Variants in PTPN4 observed in about 807,000 individuals in gnomAD.
The protein encoded by PTPN4 is protein tyrosine phosphatase non-receptor type 4, also known as tyrosine-protein phosphatase non-receptor type 4.
A neutral mutation model predicts 135.5 loss-of-function variants in PTPN4; 49 were observed. The ratio of observed to expected loss-of-function variants is 0.36; its 90% CI spans 0.29 to 0.46. The LOEUF is 0.46. Ranked by LOEUF, PTPN4 falls within the 20% of genes least tolerant of loss-of-function variation. The probability of loss-of-function intolerance (pLI) is 1.00; values close to 1 mark genes in which losing one functional copy is unlikely to be tolerated. For missense variants in PTPN4, 860 were observed against 1,101.0 expected (o/e 0.78, Z 3.10); for synonymous variants, 333 against 369.9 (o/e 0.90, Z 1.14).
intron 15 of PTPN4, among the ~76,000 whole-genome samples, chr2:119,936,508 A>T (rs553952420): frequency 6.6e-6 from 1 of 152,192 alleles, no homozygotes; most frequent in East Asian, 1.9e-4. Flanking sequence ...TGGTTTTATA[A>T]GTGTCTGGCA....
At chr2:119,773,180 T>G (rs1047205920) in intron 1 of PTPN4, among the ~76,000 whole-genome samples, 6 of 152,290 alleles carry the variant, frequency 3.9e-5, no homozygotes, top group African/African-American at 1.4e-4. Context: ...ATAGTTTTTC[T>G]TACTAATTTA....
intron 26 of PTPN4, among the ~76,000 whole-genome samples, chr2:119,968,281 AT>A (rs1679474242): frequency 6.6e-6 from 1 of 152,190 alleles, no homozygotes; most frequent in African/African-American, 2.4e-5. Context: ...AATATATTTA[AT>A]ATCTGGCCTT....
At chr2:119,817,083 T>TTTGCTTTTGTGGCAA (rs1277305915) in intron 2 of PTPN4, among the ~76,000 whole-genome samples, 1 of 152,228 alleles carries the variant, frequency 6.6e-6, no homozygotes, top group African/African-American at 2.4e-5. Flanking sequence ...TTTGTCAACT[T>TTTGCTTTTGTGGCAA]TTGCTTTTGT....
At chr2:119,833,633 GGAGTTACGGATGCGTTCCT>G (rs1299582212) in intron 2 of PTPN4, among the ~76,000 whole-genome samples, 3 of 152,034 alleles carry the variant, frequency 2.0e-5, no homozygotes, top group Non-Finnish European at 2.9e-5. Context: ...ACCTTCAGTC[GGAGTTACGGATGCGTTCCT>G]GAAGATGTTT....
intron 1 of PTPN4, among the ~76,000 whole-genome samples, chr2:119,769,176 C>CT (rs1690691675): frequency 6.6e-6 from 1 of 152,144 alleles, no homozygotes; most frequent in Non-Finnish European, 1.5e-5. Flanking sequence ...GTGAAGAAGA[C>CT]TGAAAGAAAG....
intron 15 of PTPN4, among the ~76,000 whole-genome samples, chr2:119,942,769 C>T (rs1679078888): frequency 6.6e-6 from 1 of 152,136 alleles, no homozygotes; most frequent in Non-Finnish European, 1.5e-5. Flanking sequence ...TCTCTGTGTG[C>T]TCTAATCCTA....
intron 10 of PTPN4, among the ~76,000 whole-genome samples, chr2:119,903,898 T>C (rs927262378): frequency 6.6e-6 from 1 of 152,078 alleles, no homozygotes; most frequent in African/African-American, 2.4e-5. Flanking sequence ...CACAGACACC[T>C]CTGACACTGA....
intron 2 of PTPN4, among the ~76,000 whole-genome samples, chr2:119,816,271 G>A (rs1031866825): frequency 1.3e-5 from 2 of 152,158 alleles, no homozygotes; most frequent in African/African-American, 4.8e-5. Context: ...TAAAATCTTA[G>A]TTAGGCACAG....
intron 10 of PTPN4, among the ~76,000 whole-genome samples, chr2:119,905,051 A>T (rs1323900724): frequency 7.1e-6 from 1 of 140,358 alleles, no homozygotes; most frequent in African/African-American, 2.5e-5. Context: ...AAAAAAAAAC[A>T]AATAATCAAG....
chr2:119,957,961 G>A (rs1194528409), intron 22 of PTPN4, among the ~76,000 whole-genome samples: 2 of 152,012 alleles, frequency 1.3e-5, no homozygotes, highest in African/African-American at 2.4e-5. Context: ...GGTTTTTTAA[G>A]CTTAGATACA....
chr2:119,807,175 A>G (rs1483191488), intron 1 of PTPN4, among the ~76,000 whole-genome samples: 1 of 152,192 alleles, frequency 6.6e-6, no homozygotes, highest in Non-Finnish European at 1.5e-5. Flanking sequence ...GAACTAGAGA[A>G]GCAAGAGCAA....
At chr2:119,946,462 A>G in intron 17 of PTPN4, 38 bp downstream of exon 17, 7 of 1,590,640 alleles carry the variant, frequency 4.4e-6, no homozygotes, top group Non-Finnish European at 6.0e-6. Flanking sequence ...TTTTTAAATT[A>G]AGATGTTCTT....
intron 9 of PTPN4, among the ~76,000 whole-genome samples, chr2:119,899,225 A>G (rs1309309114): frequency 2.6e-5 from 4 of 152,084 alleles, no homozygotes; most frequent in African/African-American, 9.7e-5. Context: ...TCACACTTTC[A>G]TTTCCTATAG....
intron 2 of PTPN4, among the ~76,000 whole-genome samples, chr2:119,849,967 G>C (rs900376991): frequency 2.6e-4 from 39 of 152,340 alleles, no homozygotes; most frequent in Non-Finnish European, 2.2e-4. Flanking sequence ...CCTTTGCAGG[G>C]ATAGTTCTTG....
At chr2:119,768,198 A>G (rs988910865) in intron 1 of PTPN4, among the ~76,000 whole-genome samples, 1 of 151,842 alleles carries the variant, frequency 6.6e-6, no homozygotes, top group East Asian at 1.9e-4. Context: ...AATTGTCCCA[A>G]ATTTGGCCTT....
rs756993078 is a variant in PTPN4 at position 119,926,657 on chromosome 2, T to C, written c.1061T>C (p.Val354Ala). 3.7e-6 allele frequency: 6 copies of C among 1,602,318 alleles called. No homozygotes were observed. The highest frequency in any genetic ancestry group is 5.1e-6 in the Non-Finnish European group (6 of 1,172,350). ...AAAGAAAAGGCAAATAAAGACAGGGTATTTGCAAGGTAAGCCAAATCTGTT... is the reference window on the plus strand; with the variant it reads ...AAAGAAAAGGCAAATAAAGACAGGGCATTTGCAAGGTAAGCCAAATCTGTT... ...YGKEKANKDR[V>A]FARSPSKPLA... is the part of the protein sequence containing the mutation. The change falls in exon 13 of 27, where the codon GTA becomes GCA. Residue 354 changes from valine (V) to alanine (A), a missense_variant. By Grantham distance (64) the Val-to-Ala change is moderately conservative. This residue lies in a region of PTPN4 where 684 missense variants were observed against 807.0 expected (regional missense o/e 0.85). Transcript: ENST00000263708.
At chr2:119,827,919 C>T (rs1025580707) in intron 2 of PTPN4, among the ~76,000 whole-genome samples, 3 of 152,194 alleles carry the variant, frequency 2.0e-5, no homozygotes, top group African/African-American at 7.2e-5. Context: ...GCCCCCTACA[C>T]GTACACTTGA....
intron 1 of PTPN4, among the ~76,000 whole-genome samples, chr2:119,762,735 CT>C (rs1370434798): frequency 6.6e-5 from 10 of 152,106 alleles, no homozygotes; most frequent in Admixed American, 2.0e-4. Context: ...AATTGATCAA[CT>C]CCCTAGGAAT....
At chr2:119,843,643 C>T (rs867055225) in intron 2 of PTPN4, among the ~76,000 whole-genome samples, 2 of 90,362 alleles carry the variant, frequency 2.2e-5, no homozygotes, top group African/African-American at 1.1e-4. Flanking sequence ...CCTTCCCTCC[C>T]GGACGGGGCG....
Sources: allele counts gnomAD v4.1 joint callset (sites outside exome capture counted in the v4.1 genomes callset), GRCh38; gene constraint gnomAD v4.1.1; regional missense constraint gnomAD v4.1.1; transcripts MANE v1.5; gene names NCBI Gene and HGNC (gene_info 2026-07-23, HGNC 2026-07-21).